FRMPD1: variants seen among roughly 807,000 people sequenced by gnomAD.
FRMPD1 encodes FERM and PDZ domain-containing protein 1.
Under a neutral mutation model 117.8 loss-of-function variants are expected in FRMPD1, and 76 were observed. The ratio of observed to expected loss-of-function variants is 0.65; its 90% CI spans 0.54 to 0.78. The LOEUF is 0.78. Ranked by LOEUF, FRMPD1 falls within the 30% of genes least tolerant of loss-of-function variation. The pLI is 0.00. For synonymous variants in FRMPD1, 783 were observed against 770.4 expected, an observed-to-expected ratio of 1.02 and a Z score of -0.27; for missense variants, 1,786 against 1,964.5, an observed-to-expected ratio of 0.91 and a Z score of 1.72.
At chr9:37,676,620 TC>T (rs1383616645) in intron 1 of FRMPD1, among the ~76,000 whole-genome samples, 1 of 152,170 alleles carries the variant, frequency 6.6e-6, no homozygotes, top group Non-Finnish European at 1.5e-5. Flanking sequence ...AGAAGAGGTT[TC>T]CGGATAGAAT....
intron 7 of FRMPD1, among the ~76,000 whole-genome samples, chr9:37,725,711 G>A (rs1563951926): frequency 3.9e-5 from 6 of 152,178 alleles, no homozygotes. Flanking sequence ...TCTTGTATAC[G>A]ATCTCATTTA....
chr9:37,731,230 A>G, intron 9 of FRMPD1, 127 bp downstream of exon 9: 2 of 803,860 alleles, frequency 2.5e-6, no homozygotes, highest in Non-Finnish European at 4.2e-6. Flanking sequence ...TCTGAAGGAG[A>G]ATGGGCCTGA....
intron 1 of FRMPD1, among the ~76,000 whole-genome samples, chr9:37,677,558 C>T (rs1048535169): frequency 3.9e-5 from 6 of 152,192 alleles, no homozygotes; most frequent in Non-Finnish European, 8.8e-5. Flanking sequence ...GATGACAGTA[C>T]AGGCTCAGGG....
chr9:37,636,801 T>C, the FRMPD1 span: 11 of 1,611,892 alleles, frequency 6.8e-6, no homozygotes, highest in East Asian at 4.5e-5. Flanking sequence ...TCAGCAGCCA[T>C]GGTCATGAAC....
At chr9:37,638,864 TCA>T in the FRMPD1 span, among the ~76,000 whole-genome samples, 2 of 152,186 alleles carry the variant, frequency 1.3e-5, no homozygotes, top group African/African-American at 4.8e-5. Context: ...ATCCTGATCT[TCA>T]CAGTTCCAGC....
chr9:37,645,076 G>T, the FRMPD1 span, among the ~76,000 whole-genome samples: 17 of 146,182 alleles, frequency 1.2e-4, no homozygotes, highest in Non-Finnish European at 1.5e-4. Flanking sequence ...CTGGGGAGCT[G>T]ATCTCCCAGG....
chr9:37,707,307 G>A lies in FRMPD1; in HGVS notation c.102-109G>A. On this transcript the variant is annotated intron_variant, in intron 2 of 15. Transcript: ENST00000377765. ...CTTATTTGTCTCAAGAGGAGAATTGGTGTCTGCTCAGTTCTGCATCTTTCT... is the reference window on the plus strand; with the variant it reads ...CTTATTTGTCTCAAGAGGAGAATTGATGTCTGCTCAGTTCTGCATCTTTCT... 2.6e-6 allele frequency: 2 copies of A among 776,242 alleles called. 1 individual carries two copies. The highest frequency in any genetic ancestry group is 3.9e-5 in the South Asian group (2 of 51,826). The allele number at this position is 776,242 out of a possible 1,614,324, so 48.1% of individuals were successfully genotyped here. A position where few individuals can be genotyped will look rare whatever the true frequency, so the allele number is the denominator to read the frequency against.
At chr9:37,722,528 C>T (rs1322876958) in intron 6 of FRMPD1, among the ~76,000 whole-genome samples, 1 of 152,138 alleles carries the variant, frequency 6.6e-6, no homozygotes, top group Non-Finnish European at 1.5e-5. Context: ...CTGTCTCAGC[C>T]TCCAGTGTAG....
rs181687800 is a variant in FRMPD1, at chr9:37,683,099, C to T, written c.-4-9539C>T. Reference sequence around the variant, plus strand: ...AATTTTCTATCTCTATACATTTACCCGTTCTGGTCATTTCATATAAATGGA... The same window carrying T: ...AATTTTCTATCTCTATACATTTACCTGTTCTGGTCATTTCATATAAATGGA... On this transcript the variant is annotated intron_variant, in intron 1 of 15. Coordinates refer to ENST00000377765, the MANE Select transcript of FRMPD1 (RefSeq NM_014907.3). 2.0e-3 allele frequency among the ~76,000 whole-genome samples: 297 copies of T among 152,300 alleles called. 5 individuals carry two copies. The highest frequency in any genetic ancestry group is 1.7e-3 in the East Asian group (9 of 5,184).
chr9:37,610,260 A>G, the FRMPD1 span, among the ~76,000 whole-genome samples: 1 of 152,220 alleles, frequency 6.6e-6, no homozygotes, highest in Admixed American at 6.5e-5. Context: ...TGATCAAATC[A>G]GAGTCATTGG....
Position 37,744,751 on chromosome 9 carries a change from C to T in FRMPD1, c.2719C>T (p.Pro907Ser). Residue 907 changes from proline (P) to serine (S), a missense_variant, in exon 16 of 16, where the codon CCT becomes TCT. Coordinates refer to ENST00000377765, the MANE Select transcript of FRMPD1 (RefSeq NM_014907.3). Reference sequence around the variant, plus strand: ...GACCAAGGCCTTGGGGCTGCTGGCTCCTCTGAGGGAGACCAAGAGCACAAA... The same window carrying T: ...GACCAAGGCCTTGGGGCTGCTGGCTTCTCTGAGGGAGACCAAGAGCACAAA... ...LETKALGLLA[P>S]LRETKSTNPA... 6.2e-7 allele frequency: 1 copy of T among 1,614,080 alleles called. No individual in the cohort carries two copies. The highest frequency in any genetic ancestry group is 8.5e-7 in the Non-Finnish European group (1 of 1,180,012).
chr9:37,657,002 T>G (rs2119370500), intron 1 of FRMPD1, among the ~76,000 whole-genome samples: 1 of 152,376 alleles, frequency 6.6e-6, no homozygotes, highest in African/African-American at 2.4e-5. Context: ...TTTTGACCTC[T>G]TTCAAGGAAT....
intron 1 of FRMPD1, among the ~76,000 whole-genome samples, chr9:37,652,500 A>T (rs1452271106): frequency 6.6e-6 from 1 of 152,224 alleles, no homozygotes; most frequent in Admixed American, 6.5e-5. Flanking sequence ...TTCTCACAGA[A>T]GTGATTTTAT....
chr9:37,603,485 A>G, the FRMPD1 span, among the ~76,000 whole-genome samples: 2 of 152,202 alleles, frequency 1.3e-5, no homozygotes, highest in Non-Finnish European at 2.9e-5. Context: ...TCTGGGACAC[A>G]ATAGTTCGAC....
chr9:37,622,134 A>G, the FRMPD1 span, among the ~76,000 whole-genome samples: 1 of 152,216 alleles, frequency 6.6e-6, no homozygotes, highest in East Asian at 1.9e-4. Flanking sequence ...GGCAAATGCC[A>G]TGGGAGATTT....
intron 1 of FRMPD1, among the ~76,000 whole-genome samples, chr9:37,676,903 T>C (rs966065443): frequency 2.0e-5 from 3 of 152,204 alleles, no homozygotes; most frequent in African/African-American, 7.2e-5. Context: ...GCTTGTCTTC[T>C]CTATAACACG....
At chr9:37,699,712 G>A (rs142035922) in intron 2 of FRMPD1, among the ~76,000 whole-genome samples, 1 of 152,292 alleles carries the variant, frequency 6.6e-6, no homozygotes, top group African/African-American at 2.4e-5. Flanking sequence ...GTGACATCGT[G>A]CTTTCTTCAC....
the FRMPD1 span, among the ~76,000 whole-genome samples, chr9:37,605,350 C>T: frequency 6.0e-4 from 91 of 152,314 alleles, no homozygotes; most frequent in East Asian, 1.5e-3. Context: ...ACCCAGCCAG[C>T]TGACAGATCA....
At chr9:37,628,973 C>T in the FRMPD1 span, among the ~76,000 whole-genome samples, 11 of 152,296 alleles carry the variant, frequency 7.2e-5, no homozygotes, top group Admixed American at 1.3e-4. Context: ...CCAAGGCAGA[C>T]GGATCACCTC....
Sources: allele counts gnomAD v4.1 joint callset (sites outside exome capture counted in the v4.1 genomes callset), GRCh38; gene constraint gnomAD v4.1.1; transcripts MANE v1.5; gene names NCBI Gene and HGNC (gene_info 2026-07-23, HGNC 2026-07-21).